Variants in BPTF observed in about 807,000 individuals in gnomAD.
The protein encoded by BPTF is bromodomain PHD finger transcription factor.
In BPTF, 18 loss-of-function variants were observed where a neutral mutation model predicts 292.5. That is an observed-to-expected ratio of 0.06 (90% CI 0.04 to 0.09). The LOEUF (loss-of-function observed/expected upper bound fraction) is 0.09. Among genes scored for constraint, BPTF ranks in the 10% least tolerant of loss-of-function variants. The pLI, the probability that BPTF is intolerant of heterozygous loss-of-function variation, is 1.00. For synonymous variants in BPTF, 1,225 were observed against 1,251.9 expected (o/e 0.98, Z 0.45); for missense variants, 2,726 against 3,498.7 (o/e 0.78, Z 5.57).
At chr17:67,924,451 T>C in intron 14 of BPTF, 96 bp from the exon 15 acceptor site, 1 of 1,218,236 alleles carries the variant, frequency 8.2e-7, no homozygotes, top group Non-Finnish European at 1.2e-6. Flanking sequence ...ATATCATACC[T>C]TTGTATGATG....
chr17:67,918,179 G>A (rs1245616253), intron 11 of BPTF, among the ~76,000 whole-genome samples: 1 of 151,978 alleles, frequency 6.6e-6, no homozygotes, highest in East Asian at 1.9e-4. Context: ...CAGGTGATCT[G>A]CCCACCTCGG....
At chr17:67,847,264 C>T (rs2144699054) in intron 1 of BPTF, among the ~76,000 whole-genome samples, 1 of 152,194 alleles carries the variant, frequency 6.6e-6, no homozygotes, top group East Asian at 1.9e-4. Flanking sequence ...CCTGTAATCC[C>T]AGCACTTTGG....
chr17:67,871,614 A>G (rs527324318), intron 3 of BPTF, among the ~76,000 whole-genome samples: 8 of 152,306 alleles, frequency 5.3e-5, no homozygotes, highest in African/African-American at 1.7e-4. Flanking sequence ...TATTTTTAGA[A>G]GAATTTTTTC....
intron 7 of BPTF, among the ~76,000 whole-genome samples, chr17:67,894,874 A>T (rs1318242339): frequency 6.6e-6 from 1 of 152,160 alleles, no homozygotes; most frequent in African/African-American, 2.4e-5. Flanking sequence ...GTGCAACTTC[A>T]ACAGATGATT....
chr17:67,958,170 A>T (rs1210934284), intron 23 of BPTF, among the ~76,000 whole-genome samples: 6 of 151,882 alleles, frequency 4.0e-5, no homozygotes, highest in Admixed American at 3.9e-4. Flanking sequence ...TCTACCAAAA[A>T]TACAAAAATT....
At chr17:67,833,617 G>T (rs2056903225) in intron 1 of BPTF, among the ~76,000 whole-genome samples, 1 of 150,230 alleles carries the variant, frequency 6.7e-6, no homozygotes, top group Admixed American at 6.6e-5. Context: ...CGCCCAGGCT[G>T]GAGTGCAGTG....
chr17:67,856,327 A>G (rs567797379), intron 2 of BPTF, among the ~76,000 whole-genome samples: 11 of 152,134 alleles, frequency 7.2e-5, no homozygotes, highest in Admixed American at 4.6e-4. Context: ...AAAATAGTAA[A>G]ATCCTGTTTC....
At position 67,875,018 on chromosome 17, in the gene BPTF, A is replaced by G; in HGVS notation, c.1862A>G (p.Glu621Gly). 1.3e-6 allele frequency: 2 copies of G among 1,599,128 alleles called. No homozygotes were observed. Among genetic ancestry groups the G allele is most frequent in the Non-Finnish European group, 1.7e-6 (2 of 1,175,110 alleles). The change falls in exon 4 of 28, where the codon GAG (glutamate) becomes GGG (glycine). Residue 621 changes from glutamate (E) to glycine (G), a missense_variant and splice_region_variant. Glu to Gly is a moderately conservative substitution (Grantham distance 98). Around this residue, in one of 22 missense-constraint regions of BPTF, gnomAD observed 187 missense variants for 201.5 expected, o/e 0.93. Transcript: ENST00000306378. ...GATGACCCTGAGCAAGGAAAATCTG[A>G]GGGTAAAAAAATTACTTGATTAAAA... ...PDDDPEQGKS[E>G]VGDFKSEKSN...
chr17:67,979,933 T>C (rs9894079), intron 27 of BPTF, among the ~76,000 whole-genome samples: 139,973 of 152,016 alleles, frequency 0.92, 65,582 homozygotes, highest in East Asian at 1. Flanking sequence ...CTCAGCTACT[T>C]GGGAGGCTGA....
rs75698710 is a variant in BPTF, at chr17:67,852,119, C to A, written c.614-1821C>A. Among the ~76,000 whole-genome samples the A allele has an allele frequency of 4.9e-3, 746 of 152,136 alleles. 10 individuals carry two copies. The highest frequency in any genetic ancestry group is 0.017 in the African/African-American group (708 of 41,534). On this transcript the variant is annotated intron_variant, in intron 1 of 27. Coordinates refer to ENST00000306378, the MANE Select transcript of BPTF (RefSeq NM_182641.4). ...GTGGTTTAATTTAATGTCGTTCTCT[C>A]TTTAAACACTGTAGTCTATGTTCAA...
At chr17:67,900,483 C>G (rs919752242) in intron 7 of BPTF, among the ~76,000 whole-genome samples, 2 of 151,984 alleles carry the variant, frequency 1.3e-5, no homozygotes, top group African/African-American at 4.8e-5. Context: ...GTAATCCCAG[C>G]ACTTTGGGAG....
chr17:67,934,060 A>T (rs886303724), intron 18 of BPTF, among the ~76,000 whole-genome samples: 4 of 152,148 alleles, frequency 2.6e-5, no homozygotes, highest in African/African-American at 9.7e-5. Context: ...AAAGAAAAAA[A>T]AAATAATAAT....
chr17:67,859,723 A>G (rs922617107), intron 2 of BPTF, among the ~76,000 whole-genome samples: 7 of 152,246 alleles, frequency 4.6e-5, no homozygotes, highest in Non-Finnish European at 8.8e-5. Flanking sequence ...GGTTTCTGTT[A>G]TATCTGCAGT....
rs558265529 is a variant in BPTF, at chr17:67,889,756, C to T, written c.1865-2088C>T. ...CCAGGAGGCAGAGGTTGCAGTGAGC[C>T]GAGATCGCACCACTGCACTCCAGCC... On this transcript the variant is annotated intron_variant, in intron 4 of 27. Coordinates refer to ENST00000306378, the MANE Select transcript of BPTF (RefSeq NM_182641.4). Among the ~76,000 whole-genome samples, 2 of 152,102 alleles carry T rather than the reference C, an allele frequency of 1.3e-5. 1 individual carries two copies. Among genetic ancestry groups the T allele is most frequent in the South Asian group, 4.1e-4 (2 of 4,820 alleles).
At chr17:67,884,138 C>CTTTTTTTTTT (rs200471908) in intron 4 of BPTF, among the ~76,000 whole-genome samples, 6 of 134,438 alleles carry the variant, frequency 4.5e-5, no homozygotes, top group South Asian at 2.4e-4. Flanking sequence ...CATTTTCTTT[C>CTTTTTTTTTT]TTTTTTTTTT....
chr17:67,958,151 A>G (rs543555598), intron 23 of BPTF, among the ~76,000 whole-genome samples: 3 of 152,200 alleles, frequency 2.0e-5, no homozygotes, highest in Non-Finnish European at 2.9e-5. Context: ...AACATGGTGA[A>G]ACCCCATCTC....
rs2064117683 is a variant in BPTF at position 67,928,681 on chromosome 17, A to G, written c.5998+80A>G. Reference sequence around the variant, plus strand: ...AACCCTTTAGCTACTGAAATGAAACATTTTTTTAGAAGATTGTTTTTCTTT... The same window carrying G: ...AACCCTTTAGCTACTGAAATGAAACGTTTTTTTAGAAGATTGTTTTTCTTT... On this transcript the variant is annotated intron_variant, in intron 16 of 27. Coordinates refer to ENST00000306378, the MANE Select transcript of BPTF (RefSeq NM_182641.4). 8.9e-6 allele frequency: 13 copies of G among 1,454,540 alleles called. No individual in the cohort carries two copies. In the South Asian group the frequency reaches 1.0e-4, roughly 11 times the overall value. 90.1% of individuals were successfully genotyped at this position (1,454,540 alleles called of 1,614,324 possible).
At chr17:67,967,133 G>C (rs1467816410) in intron 26 of BPTF, among the ~76,000 whole-genome samples, 1 of 86,280 alleles carries the variant, frequency 1.2e-5, no homozygotes, top group African/African-American at 3.2e-5. Context: ...AAGTTTAATT[G>C]TGCATACTTT....
In BPTF at chr17:67,909,611, G is replaced by T; in HGVS notation, c.2842G>T (p.Glu948Ter). The change falls in exon 10 of 28, where the codon GAG becomes TAG. Residue 948 changes from glutamate to a stop codon, truncating the protein, a stop_gained. Coordinates refer to ENST00000306378, the MANE Select transcript of BPTF (RefSeq NM_182641.4). LOFTEE classifies it high-confidence loss of function. ...AAATAATATGGATGAAAATATGGAT[G>T]AGTCAGATAAAAGAAAATGTTCACG... ...TKNNMDENMD[E>*]SDKRKCSRSP... 1 of 1,570,214 alleles carries T rather than the reference G, an allele frequency of 6.4e-7. No individual in the cohort carries two copies. The highest frequency in any genetic ancestry group is 1.2e-5 in the South Asian group (1 of 81,040).
Sources: gnomAD v4.1 joint callset for allele counts (sites outside exome capture counted in the v4.1 genomes callset) on GRCh38, gnomAD v4.1.1 for gene constraint, gnomAD v4.1.1 regional missense constraint, MANE v1.5 for transcripts, NCBI Gene and HGNC (gene_info 2026-07-23, HGNC 2026-07-21) for gene names.